MGAM2: variants seen among roughly 807,000 people sequenced by gnomAD.
MGAM2 encodes probable maltase-glucoamylase 2.
Under a neutral mutation model 96.1 loss-of-function variants are expected in MGAM2, and 98 were observed. That is an observed-to-expected ratio of 1.02 (90% CI 0.87 to 1.21). MGAM2 has a LOEUF of 1.21. Among genes scored for constraint, MGAM2 ranks in the 50% most tolerant of loss-of-function variants. MGAM2 has a pLI of 0.00. For synonymous variants in MGAM2, 749 were observed against 414.8 expected (o/e 1.81, Z -9.79); for missense variants, 2,055 against 1,182.4 (o/e 1.74, Z -10.82).
intron 37 of MGAM2, among the ~76,000 whole-genome samples, chr7:142,193,025 A>G (rs1563286968): frequency 6.6e-6 from 1 of 152,216 alleles, no homozygotes; most frequent in Middle Eastern, 3.2e-3. Flanking sequence ...TCAATATTTG[A>G]AAATGCCCCA....
chr7:142,151,131 T>C (rs1021021762), intron 15 of MGAM2, among the ~76,000 whole-genome samples: 35 of 152,186 alleles, frequency 2.3e-4, no homozygotes, highest in Non-Finnish European at 4.6e-4. Flanking sequence ...TGTAAGCTTT[T>C]TGAGGGCAAA....
At position 142,220,275 on chromosome 7, in the gene MGAM2, G is replaced by T. The variant is rs1563303229; in HGVS notation, c.5764G>T (p.Ala1922Ser). ...TTNATVPNTT[A>S]PFPTNASTAS... is the part of the protein sequence containing the mutation. ...TAATGCTACTGTTCCCAATACAACT[G>T]CCCCTTTCCCAACAAATGCTAGTAC... The change falls in exon 48 of 48, where the codon GCC becomes TCC. Residue 1922 changes from alanine (A) to serine (S), a missense_variant. Physicochemically the swap from Ala to Ser is moderately conservative, Grantham distance 99 (BLOSUM62 1). Coordinates refer to ENST00000477922, the MANE Select transcript of MGAM2 (RefSeq NM_001293626.2). The T allele has an allele frequency of 1.4e-6, 1 of 701,660 alleles. No individual in the cohort carries two copies. The highest frequency in any genetic ancestry group is 2.7e-5 in the East Asian group (1 of 37,196). The allele number at this position is 701,660 out of a possible 1,614,324, so 43.5% of individuals were successfully genotyped here. A position where few individuals can be genotyped will look rare whatever the true frequency, so the allele number is the denominator to read the frequency against.
chr7:142,137,629 T>A (rs1795097880), intron 9 of MGAM2, 84 bp downstream of exon 9: 1 of 517,790 alleles, frequency 1.9e-6, no homozygotes, highest in Admixed American at 3.4e-5. Flanking sequence ...AAATAAAAGG[T>A]ATTAGTAAAC....
intron 32 of MGAM2, among the ~76,000 whole-genome samples, chr7:142,177,948 G>C (rs1040646118): frequency 6.6e-6 from 1 of 152,170 alleles, no homozygotes; most frequent in African/African-American, 2.4e-5. Context: ...TCTCCAAATT[G>C]CTTTCCACTG....
At position 142,199,881 on chromosome 7, in the gene MGAM2, C is replaced by A; in HGVS notation, c.5050C>A (p.Arg1684=). 6.6e-6 allele frequency: 4 copies of A among 603,000 alleles called. No individual in the cohort carries two copies. The highest frequency in any genetic ancestry group is 2.6e-4 in the Middle Eastern group (1 of 3,844). 37.4% of individuals were successfully genotyped at this position (603,000 alleles called of 1,614,324 possible). ...QEPAMNTHSS[R]QNFMGLIVAL... Reference sequence around the variant, plus strand: ...AACTCTTTTTTTTTTTTTTGGTAGTCGACAAAATTTTATGGGATTGATTGT... The same window carrying A: ...AACTCTTTTTTTTTTTTTTGGTAGTAGACAAAATTTTATGGGATTGATTGT... The change falls in exon 45 of 48, where the codon CGA becomes AGA. Residue 1684 remains arginine (R), a splice_region_variant and synonymous_variant. Transcript: ENST00000477922.
intron 1 of MGAM2, among the ~76,000 whole-genome samples, chr7:142,114,307 A>C (rs1328004194): frequency 6.6e-6 from 1 of 152,064 alleles, no homozygotes. Flanking sequence ...CAAGGAATCC[A>C]TATGTGGAAA....
chr7:142,219,914 GTTAACTGAGGTTAC>G lies in MGAM2; in HGVS notation c.5406_5419del (p.Thr1803AspfsTer2). ...CTGACAAGACTATCAACCTGGAAAA[GTTAACTGAGGTTAC>G]TTGGATTGATGGTGGTCCTGTACTT... On this transcript the variant is annotated frameshift_variant, in exon 48 of 48. Coordinates refer to ENST00000477922, the MANE Select transcript of MGAM2 (RefSeq NM_001293626.2). LOFTEE classifies it low-confidence loss of function (END_TRUNC). 2.8e-6 allele frequency: 2 copies of G among 702,648 alleles called. No homozygotes were observed. The highest frequency in any genetic ancestry group is 3.0e-5 in the South Asian group (2 of 67,568). The allele number at this position is 702,648 out of a possible 1,614,324, so 43.5% of individuals were successfully genotyped here. A position where few individuals can be genotyped will look rare whatever the true frequency, so the allele number is the denominator to read the frequency against.
chr7:142,175,471 A>G (rs1387474005), intron 31 of MGAM2, among the ~76,000 whole-genome samples, 181 bp from the exon 32 acceptor site: 2 of 152,232 alleles, frequency 1.3e-5, no homozygotes, highest in Non-Finnish European at 2.9e-5. Flanking sequence ...TGCAGGCATC[A>G]GAAAGCAATT....
chr7:142,156,127 G>A (rs1050246471), intron 17 of MGAM2, among the ~76,000 whole-genome samples: 4 of 150,786 alleles, frequency 2.7e-5, no homozygotes, highest in African/African-American at 9.8e-5. Context: ...CCTGGGCAAC[G>A]AGAGCAAAAT....
At chr7:142,118,957 G>T (rs921084053) in intron 2 of MGAM2, among the ~76,000 whole-genome samples, 1 of 151,974 alleles carries the variant, frequency 6.6e-6, no homozygotes, top group Non-Finnish European at 1.5e-5. Context: ...GATACCCAAA[G>T]CACAGCAAAC....
In MGAM2 at chr7:142,119,532, C is replaced by T. The variant is rs376416763; in HGVS notation, c.107-770C>T. 3.7e-4 allele frequency among the ~76,000 whole-genome samples: 57 copies of T among 152,260 alleles called. 1 individual carries two copies. The South Asian group carries it at 5.4e-3, about 14-fold the overall frequency. On this transcript the variant is annotated intron_variant, in intron 2 of 47. Coordinates refer to ENST00000477922, the MANE Select transcript of MGAM2 (RefSeq NM_001293626.2). ...CTACAGATAGAGTTAACCACATGACCTAACAATTCCACTTCTAGGTATATA... is the reference window on the plus strand; with the variant it reads ...CTACAGATAGAGTTAACCACATGACTTAACAATTCCACTTCTAGGTATATA...
At chr7:142,168,484 G>A (rs1307764655) in intron 26 of MGAM2, among the ~76,000 whole-genome samples, 2 of 152,110 alleles carry the variant, frequency 1.3e-5, no homozygotes, top group East Asian at 1.9e-4. Flanking sequence ...TGGCCAGGCT[G>A]GTCTCGAACT....
At chr7:142,125,165 C>T (rs1280787111) in intron 3 of MGAM2, among the ~76,000 whole-genome samples, 1 of 152,046 alleles carries the variant, frequency 6.6e-6, no homozygotes, top group Non-Finnish European at 1.5e-5. Context: ...TTAACTAAAC[C>T]TAATAAATAA....
chr7:142,138,084 G>A (rs751218603), intron 9 of MGAM2, among the ~76,000 whole-genome samples: 18 of 152,240 alleles, frequency 1.2e-4, no homozygotes, highest in African/African-American at 3.1e-4. Flanking sequence ...GCATGGTGGC[G>A]TGTGCCTGTA....
chr7:142,154,945 C>T (rs924103351), intron 17 of MGAM2, 100 bp downstream of exon 17: 1 of 657,632 alleles, frequency 1.5e-6, no homozygotes, highest in African/African-American at 1.8e-5. Context: ...TTGGCACTAA[C>T]TGCAGCAGAA....
intron 7 of MGAM2, among the ~76,000 whole-genome samples, chr7:142,134,693 T>A (rs1795003959): frequency 6.6e-6 from 1 of 151,694 alleles, no homozygotes; most frequent in African/African-American, 2.4e-5. Context: ...GATCCCCAGG[T>A]GACTCACATT....
In MGAM2 at chr7:142,175,870, C is replaced by T. The variant is rs117921085; in HGVS notation, c.3816+90C>T. 1,529 of 651,432 alleles carry T rather than the reference C, an allele frequency of 2.3e-3. 32 individuals carry two copies. The East Asian group carries it at 0.037, about 16-fold the overall frequency. 40.4% of individuals were successfully genotyped at this position (651,432 alleles called of 1,614,324 possible). ...ATTGTGGGAAACTGGATGAAGGGTA[C>T]CAGAAATGTTCCTGTACTCTGTACT... On this transcript the variant is annotated intron_variant, in intron 32 of 47. Transcript: ENST00000477922.
intron 41 of MGAM2, 39 bp downstream of exon 41, chr7:142,197,587 A>G (rs1311231451): frequency 1.4e-6 from 1 of 703,076 alleles, no homozygotes; most frequent in East Asian, 2.7e-5. Flanking sequence ...TCTTGCAAAT[A>G]ATCCTCTGTA....
chr7:142,120,425 T>G (rs926263683), intron 3 of MGAM2, 44 bp downstream of exon 3: 1 of 697,972 alleles, frequency 1.4e-6, no homozygotes, highest in South Asian at 1.5e-5. Flanking sequence ...AGGGTGTTAT[T>G]GAAAAGAAAT....
Sources: gnomAD v4.1 joint callset for allele counts (sites outside exome capture counted in the v4.1 genomes callset) on GRCh38, gnomAD v4.1.1 for gene constraint, MANE v1.5 for transcripts, NCBI Gene and HGNC (gene_info 2026-07-23, HGNC 2026-07-21) for gene names.